The following SNX29 variants were observed in gnomAD, a reference collection of about 807,000 sequenced individuals.
SNX29 encodes sorting nexin 29.
In SNX29, 78 loss-of-function variants were observed where a neutral mutation model predicts 102.1. The observed-to-expected ratio is 0.76, with a 90% CI of 0.64 to 0.92. The LOEUF (loss-of-function observed/expected upper bound fraction) is 0.92, where lower values mean the gene tolerates loss of function less well. Among genes scored for constraint, SNX29 ranks in the 40% least tolerant of loss-of-function variants. The pLI, the probability that SNX29 is intolerant of heterozygous loss-of-function variation, is 0.00. For synonymous variants in SNX29, 580 were observed against 414.5 expected (o/e 1.40, Z -4.85); for missense variants, 1,280 against 1,061.7 (o/e 1.21, Z -2.86).
In SNX29 at chr16:12,572,329, C is replaced by A; in HGVS notation, c.*3700C>A. 1 of 1,063,312 alleles carries A rather than the reference C, an allele frequency of 9.4e-7. No individual in the cohort carries two copies. The allele number at this position is 1,063,312 out of a possible 1,614,324, so 65.9% of individuals were successfully genotyped here. On this transcript the variant is annotated 3_prime_UTR_variant, in exon 21 of 21. Coordinates refer to ENST00000566228, the MANE Select transcript of SNX29 (RefSeq NM_032167.5). ...TCCAGGTTGGAAACAGGAGTGAAGC[C>A]CACCAGCCTGCCTGGTTGATGGACA...
chr16:12,358,882 G>C (rs932449194), intron 16 of SNX29, among the ~76,000 whole-genome samples: 1 of 152,216 alleles, frequency 6.6e-6, no homozygotes, highest in African/African-American at 2.4e-5. Context: ...GATACATGGG[G>C]AGAGCATGGA....
intron 2 of SNX29, 84 bp from the exon 3 acceptor site, chr16:12,002,907 C>T: frequency 1.3e-6 from 2 of 1,521,038 alleles, no homozygotes; most frequent in East Asian, 4.5e-5. Context: ...CCTCCCTGAC[C>T]CTTAAGCCCT....
At chr16:12,292,244 G>A (rs60863961) in intron 15 of SNX29, among the ~76,000 whole-genome samples, 4,800 of 152,246 alleles carry the variant, frequency 0.032, 245 homozygotes, top group African/African-American at 0.11. Context: ...CTGATAGACC[G>A]TAGAGTGAGA....
At chr16:12,130,602 A>T (rs763596982) in intron 13 of SNX29, among the ~76,000 whole-genome samples, 1 of 152,178 alleles carries the variant, frequency 6.6e-6, no homozygotes, top group South Asian at 2.1e-4. Context: ...GAACCTGTGC[A>T]AGTCCCCTTC....
chr16:12,545,507 C>G (rs191964020), intron 20 of SNX29: 2 of 152,236 alleles, frequency 1.3e-5, no homozygotes, highest in African/African-American at 4.8e-5. Context: ...GACCGTGTGT[C>G]CTGTCAGAGT....
chr16:12,557,328 G>C (rs1272848504), intron 20 of SNX29: 5 of 152,112 alleles, frequency 3.3e-5, no homozygotes, highest in African/African-American at 9.7e-5. Context: ...CCTTCAGAGA[G>C]ATGGGAAGAA....
intron 13 of SNX29, among the ~76,000 whole-genome samples, chr16:12,155,998 C>T (rs982325634): frequency 6.6e-6 from 1 of 152,216 alleles, no homozygotes; most frequent in African/African-American, 2.4e-5. Context: ...CTCTCTGCTC[C>T]TCCGACTCCT....
chr16:12,117,811 T>A (rs1175522455), intron 11 of SNX29, among the ~76,000 whole-genome samples: 4 of 152,114 alleles, frequency 2.6e-5, no homozygotes, highest in Non-Finnish European at 4.4e-5. Context: ...AAACCTTCAG[T>A]TTGGCGGGGC....
intron 15 of SNX29, among the ~76,000 whole-genome samples, chr16:12,282,254 G>C (rs1205501168): frequency 6.6e-6 from 1 of 152,152 alleles, no homozygotes; most frequent in African/African-American, 2.4e-5. Flanking sequence ...GAGAATGAAT[G>C]GCAGGACACA....
chr16:12,041,236 C>T lies in SNX29; in HGVS notation c.248-1661C>T, dbSNP rs189844657. Among the ~76,000 whole-genome samples the T allele has an allele frequency of 7.0e-4, 106 of 152,276 alleles. 1 individual carries two copies. The Middle Eastern group carries it at 0.034, about 49-fold the overall frequency. On this transcript the variant is annotated intron_variant, in intron 4 of 20. Transcript: ENST00000566228. ...AAATGATTCTCCTGCCTCAGCCTCC[C>T]GTGTAGCTGGGATTACAGGTGCCTG...
At chr16:12,067,712 T>C (rs2051099602) in intron 9 of SNX29, among the ~76,000 whole-genome samples, 1 of 152,214 alleles carries the variant, frequency 6.6e-6, no homozygotes, top group African/African-American at 2.4e-5. Context: ...GGTCTCGAAC[T>C]CCTGACCTCA....
chr16:12,123,824 G>A lies in SNX29; in HGVS notation c.1403-2809G>A, dbSNP rs2054086847. On this transcript the variant is annotated intron_variant, in intron 11 of 20. Coordinates refer to ENST00000566228, the MANE Select transcript of SNX29 (RefSeq NM_032167.5). ...GGCTGGACAGTAGATATTTCAGGCT[G>A]TGTGGGCCCCATGGTCTCTGTCAAA... Among the ~76,000 whole-genome samples the A allele has an allele frequency of 2.6e-5, 4 of 152,224 alleles. No homozygotes were observed. In the South Asian group the frequency reaches 8.3e-4, roughly 32 times the overall value.
At chr16:12,556,695 A>C (rs2078372899) in intron 20 of SNX29, among the ~76,000 whole-genome samples, 1 of 152,168 alleles carries the variant, frequency 6.6e-6, no homozygotes, top group African/African-American at 2.4e-5. Context: ...CTGGAGGCAG[A>C]AGCCAAAGGC....
At chr16:12,299,100 G>C (rs1476975481) in intron 15 of SNX29, among the ~76,000 whole-genome samples, 1 of 151,880 alleles carries the variant, frequency 6.6e-6, no homozygotes, top group Non-Finnish European at 1.5e-5. Context: ...AGGAGTTCGA[G>C]ACCCACCTGG....
intron 20 of SNX29, among the ~76,000 whole-genome samples, chr16:12,554,091 C>T (rs1461332030): frequency 6.6e-6 from 1 of 152,226 alleles, no homozygotes; most frequent in African/African-American, 2.4e-5. Flanking sequence ...CTCCCAAAAG[C>T]ACTTGGGATT....
Position 12,571,703 on chromosome 16 carries a change from C to T in SNX29, c.*3074C>T, listed in dbSNP as rs1223575703. 3.8e-6 allele frequency: 4 copies of T among 1,059,408 alleles called. No individual in the cohort carries two copies. The highest frequency in any genetic ancestry group is 4.6e-6 in the Non-Finnish European group (4 of 875,444). 65.6% of individuals were successfully genotyped at this position (1,059,408 alleles called of 1,614,324 possible). ...GTCTCTCCTTGAGAGACAACAAAAG[C>T]TTCTAAGGGAGGGAGCTTAAAGGCT... On this transcript the variant is annotated 3_prime_UTR_variant, in exon 21 of 21. Transcript: ENST00000566228.
intron 20 of SNX29, among the ~76,000 whole-genome samples, chr16:12,555,875 G>A (rs558005374): frequency 1.4e-4 from 21 of 152,010 alleles, no homozygotes; most frequent in East Asian, 3.9e-4. Context: ...TCCAGAGGCC[G>A]TGCTTTCTGC....
chr16:12,471,477 T>C (rs57122325), intron 18 of SNX29, among the ~76,000 whole-genome samples: 25,481 of 152,162 alleles, frequency 0.17, 3,022 homozygotes, highest in African/African-American at 0.34. Flanking sequence ...TGGCAAGGGG[T>C]GCAGCTGGAA....
chr16:12,219,212 C>G (rs1344985587), intron 14 of SNX29, among the ~76,000 whole-genome samples: 1 of 151,874 alleles, frequency 6.6e-6, no homozygotes, highest in Non-Finnish European at 1.5e-5. Context: ...ATTTGGTTTG[C>G]AAACCACATG....
Sources: allele counts gnomAD v4.1 joint callset (sites outside exome capture counted in the v4.1 genomes callset), GRCh38; gene constraint gnomAD v4.1.1; transcripts MANE v1.5; gene names NCBI Gene and HGNC (gene_info 2026-07-23, HGNC 2026-07-21).